The following SMC3 variants were observed in gnomAD, a reference collection of about 807,000 sequenced individuals.
SMC3 encodes structural maintenance of chromosomes 3.
Under a neutral mutation model 171.8 loss-of-function variants are expected in SMC3, and 20 were observed. The observed-to-expected ratio is 0.12, with a 90% CI of 0.08 to 0.17. The LOEUF (loss-of-function observed/expected upper bound fraction) is 0.17, where lower values mean the gene tolerates loss of function less well. Ranked by LOEUF, SMC3 falls within the 10% of genes least tolerant of loss-of-function variation. The pLI is 1.00. For synonymous variants in SMC3, 464 were observed against 451.1 expected (o/e 1.03, Z -0.36); for missense variants, 543 against 1,420.4 (o/e 0.38, Z 9.93).
At chr10:110,577,792 C>T (rs767708203) in intron 5 of SMC3, 43 bp from the exon 6 acceptor site, 1 of 1,386,782 alleles carries the variant, frequency 7.2e-7, no homozygotes, top group Non-Finnish European at 1.0e-6. Context: ...AAGTTTTCTC[C>T]TTTACTATTA....
chr10:110,599,551 AT>A, intron 20 of SMC3, 102 bp from the exon 21 acceptor site: 1 of 975,874 alleles, frequency 1.0e-6, no homozygotes, highest in Non-Finnish European at 1.5e-6. Context: ...TTGAGTTGAT[AT>A]GTCTATATAT....
In SMC3 at chr10:110,605,025, T is replaced by G. The variant is rs992803065; in HGVS notation, c.*723T>G. 2.6e-5 allele frequency among the ~76,000 whole-genome samples: 4 copies of G among 152,208 alleles called. No individual in the cohort carries two copies. Among genetic ancestry groups the G allele is most frequent in the African/African-American group, 7.2e-5 (3 of 41,464 alleles). ...ATATCTTGACAATTTTGAATAATAT[T>G]CACATATTTTGTAGAATGTCCCTCA... On this transcript the variant is annotated 3_prime_UTR_variant, in exon 29 of 29. Transcript: ENST00000361804.
intron 22 of SMC3, 132 bp from the exon 23 acceptor site, chr10:110,600,890 T>A (rs1861376078): frequency 1.4e-6 from 1 of 701,798 alleles, no homozygotes; most frequent in Non-Finnish European, 2.5e-6. Context: ...TAATGGATAC[T>A]TCTAAGTATT....
chr10:110,582,194 A>G, intron 9 of SMC3, 96 bp downstream of exon 9: 1 of 1,128,460 alleles, frequency 8.9e-7, no homozygotes. Flanking sequence ...GTGATTTTAA[A>G]TAGAAACTTA....
Position 110,593,088 on chromosome 10 carries a change from A to C in SMC3, c.1828A>C (p.Ile610Leu). ...YPETNDAIPMISKLRYNPRFD... is the reference protein window; with the variant it reads ...YPETNDAIPMLSKLRYNPRFD... ...TCATTTTTAGGATGCTATTCCTATG[A>C]TCAGCAAACTGAGGTACAATCCCAG... The change falls in exon 18 of 29, where the codon ATC becomes CTC. Residue 610 changes from isoleucine (I) to leucine (L), a missense_variant. Coordinates refer to ENST00000361804, the MANE Select transcript of SMC3 (RefSeq NM_005445.4). 6.2e-7 allele frequency: 1 copy of C among 1,614,012 alleles called. No homozygotes were observed. Among genetic ancestry groups the C allele is most frequent in the Non-Finnish European group, 8.5e-7 (1 of 1,179,888 alleles).
chr10:110,590,584 TG>T lies in SMC3; in HGVS notation c.1670+13del, dbSNP rs1185744082. The T allele has an allele frequency of 3.1e-6, 5 of 1,613,192 alleles. No homozygotes were observed. The African/African-American group carries it at 6.7e-5, about 22-fold the overall frequency. On this transcript the variant is annotated intron_variant, in intron 16 of 28. Transcript: ENST00000361804. ...ACTGCTGGAAACAGGTTAAAGCTTTTGCTTGATATTTAGCATTTTTAGAAGA... is the reference window on the plus strand; with the variant it reads ...ACTGCTGGAAACAGGTTAAAGCTTTTCTTGATATTTAGCATTTTTAGAAGA...
chr10:110,571,956 A>T (rs990111324), intron 2 of SMC3, among the ~76,000 whole-genome samples: 1 of 152,230 alleles, frequency 6.6e-6, no homozygotes, highest in Non-Finnish European at 1.5e-5. Flanking sequence ...TAATTCTTAA[A>T]AGGAAATTCT....
At chr10:110,582,713 G>A (rs2134725711) in intron 10 of SMC3, 71 bp downstream of exon 10, 2 of 1,189,842 alleles carry the variant, frequency 1.7e-6, no homozygotes, top group South Asian at 1.3e-5. Context: ...CTGTCATCCA[G>A]GCTGGAGTAC....
intron 7 of SMC3, among the ~76,000 whole-genome samples, chr10:110,580,440 C>T (rs939211323): frequency 7.2e-5 from 11 of 151,996 alleles, no homozygotes; most frequent in African/African-American, 2.4e-4. Context: ...ACTTGTTAGC[C>T]CTATTCATAA....
chr10:110,567,919 T>TC (rs1255974906), intron 1 of SMC3, 88 bp downstream of exon 1: 1 of 1,295,682 alleles, frequency 7.7e-7, no homozygotes, highest in Non-Finnish European at 1.1e-6. Flanking sequence ...CCGCAGCCTC[T>TC]CCCCTGTCTC....
intron 2 of SMC3, among the ~76,000 whole-genome samples, chr10:110,571,478 G>T (rs1490708318): frequency 6.6e-6 from 1 of 152,216 alleles, no homozygotes; most frequent in Non-Finnish European, 1.5e-5. Flanking sequence ...TCTTTCATTG[G>T]TCAAAGTTTT....
intron 4 of SMC3, among the ~76,000 whole-genome samples, chr10:110,576,043 A>T (rs1162732190): frequency 6.6e-6 from 1 of 152,244 alleles, no homozygotes; most frequent in Non-Finnish European, 1.5e-5. Flanking sequence ...GATGTTCTGC[A>T]ACTTACAGCG....
intron 6 of SMC3, 59 bp downstream of exon 6, chr10:110,577,973 T>C: frequency 8.6e-7 from 1 of 1,168,416 alleles, no homozygotes; most frequent in Non-Finnish European, 1.3e-6. Flanking sequence ...AGATGGGGTA[T>C]TGCTGTGTTG....
intron 23 of SMC3, among the ~76,000 whole-genome samples, chr10:110,601,410 CTA>C (rs1474920912): frequency 3.3e-5 from 5 of 152,056 alleles, no homozygotes; most frequent in Non-Finnish European, 7.4e-5. Context: ...TAGAAAATAA[CTA>C]TAGTTTATAA....
chr10:110,567,710 G>C lies in SMC3; in HGVS notation c.-107G>C. The C allele has an allele frequency of 7.2e-7, 1 of 1,386,820 alleles. No individual in the cohort carries two copies. The highest frequency in any genetic ancestry group is 2.3e-5 in the East Asian group (1 of 43,368). 85.9% of individuals were successfully genotyped at this position (1,386,820 alleles called of 1,614,324 possible). A position where few individuals can be genotyped will look rare whatever the true frequency, so the allele number is the denominator to read the frequency against. On this transcript the variant is annotated 5_prime_UTR_variant, in exon 1 of 29. Coordinates refer to ENST00000361804, the MANE Select transcript of SMC3 (RefSeq NM_005445.4). ...CCGCCATTTTGTTTGGCTGAGGGGA[G>C]CGAGCGGCGCTTTGGGGGAGGGGTC...
chr10:110,573,951 C>A (rs1301716199), intron 3 of SMC3, among the ~76,000 whole-genome samples: 2 of 152,050 alleles, frequency 1.3e-5, no homozygotes, highest in African/African-American at 4.8e-5. Flanking sequence ...TGAGAGTGGG[C>A]AAAACACGTA....
At chr10:110,599,578 A>G (rs1861355835) in intron 20 of SMC3, 76 bp from the exon 21 acceptor site, 1 of 1,334,222 alleles carries the variant, frequency 7.5e-7, no homozygotes, top group African/African-American at 1.5e-5. Flanking sequence ...TCAATCAAAT[A>G]TAGATTGTTT....
Position 110,604,286 on chromosome 10 carries a change from A to T in SMC3, c.3638A>T (p.Asp1213Val). Residue 1213 changes from aspartate to valine, a missense_variant, in exon 29 of 29, where the codon GAT becomes GTT. By Grantham distance (152) the Asp-to-Val change is radical. Around this residue, in one of 8 missense-constraint regions of SMC3, gnomAD observed 31 missense variants for 150.9 expected, o/e 0.21. Coordinates refer to ENST00000361804, the MANE Select transcript of SMC3 (RefSeq NM_005445.4). ...ATGGCCAAAGACTTTGTAGAAGATGATACCACACATGGTTAATTGGAAAAT... is the reference window on the plus strand; with the variant it reads ...ATGGCCAAAGACTTTGTAGAAGATGTTACCACACATGGTTAATTGGAAAAT... ...AEMAKDFVED[D>V]TTHG 6.2e-7 allele frequency: 1 copy of T among 1,608,376 alleles called. No individual in the cohort carries two copies. The highest frequency in any genetic ancestry group is 8.5e-7 in the Non-Finnish European group (1 of 1,176,674).
chr10:110,579,634 A>C (rs1861002150), intron 7 of SMC3, among the ~76,000 whole-genome samples: 1 of 152,280 alleles, frequency 6.6e-6, no homozygotes, highest in Non-Finnish European at 1.5e-5. Flanking sequence ...TTTCCATTAG[A>C]ATGTAAGCTC....
Sources: gnomAD v4.1 joint callset for allele counts (sites outside exome capture counted in the v4.1 genomes callset) on GRCh38, gnomAD v4.1.1 for gene constraint, gnomAD v4.1.1 regional missense constraint, MANE v1.5 for transcripts, NCBI Gene and HGNC (gene_info 2026-07-23, HGNC 2026-07-21) for gene names.